RBFOX1: variants seen among roughly 807,000 people sequenced by gnomAD.
RBFOX1 encodes RNA binding fox-1 homolog 1.
In RBFOX1, 8 loss-of-function variants were observed where a neutral mutation model predicts 57.7. That is an observed-to-expected ratio of 0.14 (90% CI 0.08 to 0.25). The LOEUF (loss-of-function observed/expected upper bound fraction) is 0.25. RBFOX1 is among the 10% of genes least tolerant of loss of function. RBFOX1 has a pLI of 1.00. For synonymous variants in RBFOX1, 326 were observed against 222.4 expected, an observed-to-expected ratio of 1.47 and a Z score of -4.15; for missense variants, 611 against 548.5, an observed-to-expected ratio of 1.11 and a Z score of -1.14.
intron 3 of RBFOX1, among the ~76,000 whole-genome samples, chr16:6,841,574 G>A (rs995477736): frequency 1.3e-5 from 2 of 152,164 alleles, no homozygotes; most frequent in East Asian, 1.9e-4. Context: ...TTTCTCCTAC[G>A]AGCTGTCCAC....
intron 4 of RBFOX1, among the ~76,000 whole-genome samples, chr16:7,218,767 C>T (rs150649529): frequency 6.7e-6 from 1 of 149,928 alleles, no homozygotes; most frequent in Admixed American, 6.7e-5. Flanking sequence ...CAGAGATTGC[C>T]TTTTATTTTT....
chr16:5,575,643 A>T (rs1403105976), intron 2 of RBFOX1, among the ~76,000 whole-genome samples: 1 of 152,232 alleles, frequency 6.6e-6, no homozygotes, highest in Non-Finnish European at 1.5e-5. Flanking sequence ...GGCGCATGAG[A>T]CAGGCAGGAA....
chr16:5,829,971 T>G (rs2151824487), intron 3 of RBFOX1, among the ~76,000 whole-genome samples: 1 of 152,284 alleles, frequency 6.6e-6, no homozygotes, highest in South Asian at 2.1e-4. Flanking sequence ...TCTGAGGCTG[T>G]TTTCTTTTTC....
chr16:6,669,104 T>G (rs1296841732), intron 3 of RBFOX1, among the ~76,000 whole-genome samples: 3 of 152,216 alleles, frequency 2.0e-5, no homozygotes, highest in Non-Finnish European at 4.4e-5. Flanking sequence ...TTCCCAGCAC[T>G]TTTGCATGGT....
chr16:5,902,741 C>A (rs951482933), intron 4 of RBFOX1, among the ~76,000 whole-genome samples: 1 of 152,000 alleles, frequency 6.6e-6, no homozygotes, highest in South Asian at 2.1e-4. Flanking sequence ...GGACAAGAAG[C>A]CTTCATCAAT....
chr16:7,508,883 C>G (rs139255724), intron 4 of RBFOX1, among the ~76,000 whole-genome samples: 150 of 152,314 alleles, frequency 9.8e-4, no homozygotes, highest in African/African-American at 3.2e-3. Flanking sequence ...TAGCAAGGAG[C>G]CTTGGTGATA....
At chr16:7,506,080 G>A (rs945812976) in intron 4 of RBFOX1, among the ~76,000 whole-genome samples, 1 of 150,856 alleles carries the variant, frequency 6.6e-6, no homozygotes. Flanking sequence ...AGCTACTTGG[G>A]AGGCTGAGGC....
intron 1 of RBFOX1, among the ~76,000 whole-genome samples, chr16:5,387,815 C>T (rs184023615): frequency 2.9e-3 from 441 of 152,254 alleles, no homozygotes; most frequent in Middle Eastern, 0.017. Context: ...ATTGTCTGAC[C>T]TTGAGATAGG....
At chr16:5,872,128 A>T (rs1239925620) in intron 4 of RBFOX1, among the ~76,000 whole-genome samples, 1 of 152,210 alleles carries the variant, frequency 6.6e-6, no homozygotes, top group Non-Finnish European at 1.5e-5. Flanking sequence ...CTACTAAAAG[A>T]CACCAGTGCG....
rs1274411011 is a variant in RBFOX1, at chr16:6,724,428, G to A, written c.-16+69778G>A. On this transcript the variant is annotated intron_variant, in intron 3 of 15. Transcript: ENST00000550418. ...TTCACCATGTTGCCAGGCTGGTCTC[G>A]AACTCCTGACCTCAGGTGATCCACC... Among the ~76,000 whole-genome samples the A allele has an allele frequency of 4.6e-5, 7 of 151,850 alleles. No individual in the cohort carries two copies. In the East Asian group the frequency reaches 5.8e-4, roughly 13 times the overall value.
chr16:6,147,818 C>T lies in RBFOX1; in HGVS notation c.-127+127826C>T, dbSNP rs76429549. On this transcript the variant is annotated intron_variant, in intron 1 of 15. Coordinates refer to ENST00000550418, the MANE Select transcript of RBFOX1 (RefSeq NM_018723.4). ...AAAACCTAGGCATTATGATTGATTC[C>T]TTCTTTCTCCTTTCAGTCTATCAAC... is the stretch of plus-strand genomic sequence containing the variant. Among the ~76,000 whole-genome samples the T allele has an allele frequency of 2.5e-3, 380 of 152,340 alleles. 2 individuals carry two copies. The highest frequency in any genetic ancestry group is 8.4e-3 in the African/African-American group (349 of 41,576).
chr16:7,682,073 C>T (rs1234596214), intron 14 of RBFOX1, among the ~76,000 whole-genome samples: 1 of 152,268 alleles, frequency 6.6e-6, no homozygotes, highest in East Asian at 1.9e-4. Context: ...TGTCAACCCT[C>T]TTTTCTGGGA....
rs531180716 is a variant in RBFOX1 at position 7,256,988 on chromosome 16, A to G, written c.27+204890A>G. 5.9e-5 allele frequency among the ~76,000 whole-genome samples: 9 copies of G among 151,532 alleles called. No individual in the cohort carries two copies. In the South Asian group the frequency reaches 1.9e-3, roughly 32 times the overall value. ...TGTGTCATGGCTGGCATTCTCTGTTACTCGTTCTGATCCTGTCTCCTCTCC... is the reference window on the plus strand; with the variant it reads ...TGTGTCATGGCTGGCATTCTCTGTTGCTCGTTCTGATCCTGTCTCCTCTCC... On this transcript the variant is annotated intron_variant, in intron 4 of 15. Coordinates refer to ENST00000550418, the MANE Select transcript of RBFOX1 (RefSeq NM_018723.4).
chr16:7,223,471 G>C (rs113906621), intron 4 of RBFOX1, among the ~76,000 whole-genome samples: 2 of 152,126 alleles, frequency 1.3e-5, no homozygotes, highest in Non-Finnish European at 2.9e-5. Flanking sequence ...TTGGTAATGC[G>C]AATGATAGAA....
intron 4 of RBFOX1, among the ~76,000 whole-genome samples, chr16:7,461,143 T>C (rs948731992): frequency 1.3e-5 from 2 of 152,114 alleles, no homozygotes; most frequent in Non-Finnish European, 2.9e-5. Context: ...TTGATAAGAA[T>C]TGACTGAGGA....
intron 1 of RBFOX1, among the ~76,000 whole-genome samples, chr16:6,277,923 C>A (rs1479336332): frequency 6.6e-6 from 1 of 152,118 alleles, no homozygotes; most frequent in African/African-American, 2.4e-5. Flanking sequence ...TGTAAGCTGT[C>A]TTTCACAGCT....
At chr16:7,642,317 C>T (rs1483748545) in intron 11 of RBFOX1, among the ~76,000 whole-genome samples, 1 of 151,978 alleles carries the variant, frequency 6.6e-6, no homozygotes. Context: ...GATCAGGACT[C>T]TTTTTTTTAA....
At chr16:6,937,288 C>G (rs1022344464) in intron 3 of RBFOX1, among the ~76,000 whole-genome samples, 4 of 152,266 alleles carry the variant, frequency 2.6e-5, no homozygotes, top group East Asian at 1.9e-4. Context: ...AACACTGTTT[C>G]CTTTTTACCT....
intron 14 of RBFOX1, among the ~76,000 whole-genome samples, chr16:7,686,948 C>T (rs1424325700): frequency 6.6e-6 from 1 of 151,960 alleles, no homozygotes; most frequent in Non-Finnish European, 1.5e-5. Flanking sequence ...GTAGAATAGC[C>T]AAACTGGGGA....
Sources: gnomAD v4.1 joint callset for allele counts (sites outside exome capture counted in the v4.1 genomes callset) on GRCh38, gnomAD v4.1.1 for gene constraint, MANE v1.5 for transcripts, NCBI Gene and HGNC (gene_info 2026-07-23, HGNC 2026-07-21) for gene names.